Variants in TSHZ2 observed in about 807,000 individuals in gnomAD.
TSHZ2 encodes teashirt homolog 2.
In TSHZ2, 21 loss-of-function variants were observed where a neutral mutation model predicts 74.4. That is an observed-to-expected ratio of 0.28 (90% CI 0.20 to 0.41). TSHZ2 has a LOEUF of 0.41. Among genes scored for constraint, TSHZ2 ranks in the 10% least tolerant of loss-of-function variants. TSHZ2 has a pLI of 1.00. For missense variants in TSHZ2, 1,244 were observed against 1,293.5 expected, an observed-to-expected ratio of 0.96 and a Z score of 0.59; for synonymous variants, 540 against 515.3, an observed-to-expected ratio of 1.05 and a Z score of -0.65.
At chr20:53,203,205 T>TC (rs1989052632) in intron 1 of TSHZ2, among the ~76,000 whole-genome samples, 1 of 151,050 alleles carries the variant, frequency 6.6e-6, no homozygotes, top group Admixed American at 6.6e-5. Context: ...TTTTTTTTTT[T>TC]TTTTTTTGAG....
intron 2 of TSHZ2, among the ~76,000 whole-genome samples, chr20:53,478,524 A>T (rs28709895): frequency 5.6e-5 from 4 of 71,274 alleles, no homozygotes; most frequent in African/African-American, 1.6e-4. Flanking sequence ...GGGTGGGGGG[A>T]GGGGGGAGGG....
intron 1 of TSHZ2, among the ~76,000 whole-genome samples, chr20:53,050,126 C>CACATATATATATGTGTATATATATATAT (rs1984390694): frequency 2.0e-5 from 2 of 100,992 alleles, no homozygotes; most frequent in African/African-American, 7.8e-5. Context: ...TATATATATA[C>CACATATATATATGTGTATATATATATAT]ACATATATAT....
At chr20:53,478,673 A>C (rs1986059662) in intron 2 of TSHZ2, among the ~76,000 whole-genome samples, 1 of 151,554 alleles carries the variant, frequency 6.6e-6, no homozygotes, top group Non-Finnish European at 1.5e-5. Context: ...TAAATAAAAA[A>C]TAAAAATAAA....
intron 1 of TSHZ2, among the ~76,000 whole-genome samples, chr20:53,059,842 C>T (rs1477034072): frequency 6.6e-6 from 1 of 152,238 alleles, no homozygotes; most frequent in African/African-American, 2.4e-5. Context: ...TTAACACTAA[C>T]ACTTCATCCC....
intron 2 of TSHZ2, among the ~76,000 whole-genome samples, chr20:53,274,732 G>A (rs745993328): frequency 1.3e-5 from 2 of 152,176 alleles, no homozygotes; most frequent in Admixed American, 6.5e-5. Context: ...ATTATCTCAC[G>A]CATCACACAT....
chr20:53,225,487 G>A (rs1989663609), intron 1 of TSHZ2, among the ~76,000 whole-genome samples: 2 of 152,218 alleles, frequency 1.3e-5, no homozygotes, highest in Non-Finnish European at 1.5e-5. Context: ...AGCTTCCCAG[G>A]TGACTTCGCC....
chr20:53,368,215 G>A (rs1981340395), intron 2 of TSHZ2, among the ~76,000 whole-genome samples: 1 of 151,546 alleles, frequency 6.6e-6, no homozygotes, highest in Admixed American at 6.6e-5. Flanking sequence ...GTAACCGACA[G>A]CTACGAGATC....
intron 2 of TSHZ2, among the ~76,000 whole-genome samples, chr20:53,293,700 C>CAAAAAAAA (rs11476117): frequency 1.7e-5 from 2 of 120,268 alleles, no homozygotes; most frequent in East Asian, 2.5e-4. Flanking sequence ...AACTGGCTCT[C>CAAAAAAAA]AAAAAAAAAA....
intron 1 of TSHZ2, among the ~76,000 whole-genome samples, chr20:53,175,030 G>A (rs1392098502): frequency 6.6e-6 from 1 of 151,336 alleles, no homozygotes; most frequent in East Asian, 1.9e-4. Flanking sequence ...CTGTTTGCTG[G>A]CTTTTAGAAT....
At chr20:53,056,860 G>A (rs1984656147) in intron 1 of TSHZ2, among the ~76,000 whole-genome samples, 1 of 152,148 alleles carries the variant, frequency 6.6e-6, no homozygotes, top group African/African-American at 2.4e-5. Flanking sequence ...AGAACCTTAG[G>A]ATCTGTCCAG....
At chr20:53,171,083 G>A (rs1019261701) in intron 1 of TSHZ2, among the ~76,000 whole-genome samples, 3 of 152,040 alleles carry the variant, frequency 2.0e-5, no homozygotes, top group Non-Finnish European at 4.4e-5. Flanking sequence ...ATGTATCTGT[G>A]TGTTTTAATA....
chr20:53,329,007 C>A (rs1025900940), intron 2 of TSHZ2, among the ~76,000 whole-genome samples: 1 of 152,088 alleles, frequency 6.6e-6, no homozygotes, highest in Admixed American at 6.5e-5. Context: ...AGGACTTTAG[C>A]CAAGAATGTA....
At chr20:53,331,702 C>T (rs11697865) in intron 2 of TSHZ2, among the ~76,000 whole-genome samples, 5,748 of 150,412 alleles carry the variant, frequency 0.038, 160 homozygotes, top group Non-Finnish European at 0.056. Context: ...TAGTCAGAGT[C>T]CCCTAAGGAG....
intron 1 of TSHZ2, among the ~76,000 whole-genome samples, chr20:53,092,872 T>C (rs1317532686): frequency 6.6e-6 from 1 of 152,202 alleles, no homozygotes; most frequent in Non-Finnish European, 1.5e-5. Context: ...ATGTTCAGCT[T>C]TGCAGGTCAT....
intron 2 of TSHZ2, among the ~76,000 whole-genome samples, chr20:53,443,046 A>G (rs904813313): frequency 6.6e-6 from 1 of 152,204 alleles, no homozygotes; most frequent in Non-Finnish European, 1.5e-5. Flanking sequence ...ATCCCAAGAC[A>G]CAACCATTTG....
chr20:53,045,952 C>T (rs1449118729), intron 1 of TSHZ2, among the ~76,000 whole-genome samples: 1 of 152,168 alleles, frequency 6.6e-6, no homozygotes, highest in Non-Finnish European at 1.5e-5. Context: ...AGCTCTGCTC[C>T]TTTCTCTGTA....
chr20:53,135,360 G>T (rs1376999186), intron 1 of TSHZ2, among the ~76,000 whole-genome samples: 1 of 152,050 alleles, frequency 6.6e-6, no homozygotes, highest in African/African-American at 2.4e-5. Flanking sequence ...CTATCATTTT[G>T]TCTTTGAATA....
intron 1 of TSHZ2, among the ~76,000 whole-genome samples, chr20:53,131,824 C>G (rs78736334): frequency 6.6e-5 from 3 of 45,542 alleles, no homozygotes; most frequent in African/African-American, 1.1e-4. Context: ...TGACAACCCC[C>G]CCCCCCCCCC....
chr20:53,423,961 A>G (rs1983572032), intron 2 of TSHZ2, among the ~76,000 whole-genome samples: 3 of 152,208 alleles, frequency 2.0e-5, no homozygotes, highest in Admixed American at 2.0e-4. Flanking sequence ...AAACACCCCG[A>G]CGACGCGCAG....
Sources: gnomAD v4.1 joint callset for allele counts (sites outside exome capture counted in the v4.1 genomes callset) on GRCh38, gnomAD v4.1.1 for gene constraint, MANE v1.5 for transcripts, NCBI Gene and HGNC (gene_info 2026-07-23, HGNC 2026-07-21) for gene names.